The following HS3ST4 variants were observed in gnomAD, a reference collection of about 807,000 sequenced individuals.
HS3ST4 encodes the protein heparan sulfate-glucosamine 3-sulfotransferase 4.
In HS3ST4, 17 loss-of-function variants were observed where a neutral mutation model predicts 29.2. The observed-to-expected ratio is 0.58, with a 90% CI of 0.40 to 0.87. The LOEUF (loss-of-function observed/expected upper bound fraction) is 0.87, where lower values mean the gene tolerates loss of function less well. Ranked by LOEUF, HS3ST4 falls within the 40% of genes least tolerant of loss-of-function variation. The pLI is 0.00. For synonymous variants in HS3ST4, 314 were observed against 285.7 expected, an observed-to-expected ratio of 1.10 and a Z score of -1.00; for missense variants, 627 against 634.5, an observed-to-expected ratio of 0.99 and a Z score of 0.13.
intron 1 of HS3ST4, among the ~76,000 whole-genome samples, chr16:26,011,676 T>TTGTGTGTG (rs375796518): frequency 2.2e-5 from 3 of 133,370 alleles, no homozygotes; most frequent in South Asian, 5.0e-4. Context: ...AGGTATATGT[T>TTGTGTGTG]TGTGTGTGTG....
chr16:25,715,434 A>C (rs925525563), intron 1 of HS3ST4, among the ~76,000 whole-genome samples: 1 of 151,934 alleles, frequency 6.6e-6, no homozygotes, highest in Non-Finnish European at 1.5e-5. Flanking sequence ...TGGTGATTCC[A>C]TATGCAATTA....
At position 25,692,372 on chromosome 16, in the gene HS3ST4, C is replaced by T. The variant is rs1966257537; in HGVS notation, c.-46C>T. On this transcript the variant is annotated 5_prime_UTR_variant, in exon 1 of 2. Transcript: ENST00000331351. ...GGCTGAAACCATGTCCGGGCAGCGC[C>T]GGGGGCTGCCGCCGCCGCCGCCGCC... 3 of 369,262 alleles carry T rather than the reference C, an allele frequency of 8.1e-6. No homozygotes were observed. The highest frequency in any genetic ancestry group is 1.1e-4 in the South Asian group (1 of 8,772). 22.9% of individuals were successfully genotyped at this position (369,262 alleles called of 1,614,324 possible).
At chr16:26,043,950 C>G (rs1327304611) in intron 1 of HS3ST4, among the ~76,000 whole-genome samples, 1 of 152,196 alleles carries the variant, frequency 6.6e-6, no homozygotes, top group East Asian at 1.9e-4. Context: ...AACCTCTTAA[C>G]CAGTTTCACT....
chr16:25,798,121 A>T (rs555710838), intron 1 of HS3ST4, among the ~76,000 whole-genome samples: 1 of 151,556 alleles, frequency 6.6e-6, no homozygotes, highest in East Asian at 1.9e-4. Context: ...GGAGTAAAAA[A>T]CTCCCTCACT....
At chr16:25,883,569 G>T (rs1307797762) in intron 1 of HS3ST4, among the ~76,000 whole-genome samples, 2 of 152,156 alleles carry the variant, frequency 1.3e-5, no homozygotes, top group Non-Finnish European at 2.9e-5. Context: ...AGCTTTTGGA[G>T]AGGACTAGGT....
chr16:25,918,350 T>A (rs1390971493), intron 1 of HS3ST4, among the ~76,000 whole-genome samples: 1 of 152,168 alleles, frequency 6.6e-6, no homozygotes, highest in Non-Finnish European at 1.5e-5. Context: ...CAAGCAATAT[T>A]GATTGTATAA....
intron 1 of HS3ST4, among the ~76,000 whole-genome samples, chr16:25,989,472 T>A (rs1039267729): frequency 1.3e-5 from 2 of 152,252 alleles, no homozygotes; most frequent in Non-Finnish European, 2.9e-5. Flanking sequence ...TGGATTTCCA[T>A]GGCATGGTTG....
intron 1 of HS3ST4, among the ~76,000 whole-genome samples, chr16:25,950,543 A>G (rs761442288): frequency 2.6e-5 from 4 of 152,096 alleles, no homozygotes; most frequent in Non-Finnish European, 4.4e-5. Context: ...CTGCTTGTTT[A>G]ATGCCATACA....
At chr16:25,987,096 A>G in intron 1 of HS3ST4, among the ~76,000 whole-genome samples, 1 of 152,232 alleles carries the variant, frequency 6.6e-6, no homozygotes, top group East Asian at 1.9e-4. Context: ...CACGCCTGTA[A>G]TCCCAGCACT....
At chr16:26,133,248 C>T (rs1016187874) in intron 1 of HS3ST4, among the ~76,000 whole-genome samples, 1 of 152,126 alleles carries the variant, frequency 6.6e-6, no homozygotes, top group African/African-American at 2.4e-5. Context: ...AAGTGATTTA[C>T]CTGCATTATG....
chr16:25,751,887 GA>G lies in HS3ST4; in HGVS notation c.734+58739del, dbSNP rs573234988. Among the ~76,000 whole-genome samples, 5 of 152,328 alleles carry G rather than the reference GA, an allele frequency of 3.3e-5. No individual in the cohort carries two copies. The South Asian group carries it at 1.0e-3, about 32-fold the overall frequency. Reference sequence around the variant, plus strand: ...GGAGCAATCCCAGACCACAGTGGATGAAAGGAGGTCCCTACGTTGTTGTACA... The same window carrying G: ...GGAGCAATCCCAGACCACAGTGGATGAAGGAGGTCCCTACGTTGTTGTACA... On this transcript the variant is annotated intron_variant, in intron 1 of 1. Transcript: ENST00000331351.
At chr16:25,803,122 G>A (rs1343824505) in intron 1 of HS3ST4, among the ~76,000 whole-genome samples, 1 of 151,958 alleles carries the variant, frequency 6.6e-6, no homozygotes, top group African/African-American at 2.4e-5. Context: ...GAGAGAGAGA[G>A]TGCCTGTACA....
At chr16:25,963,526 C>T (rs554571930) in intron 1 of HS3ST4, among the ~76,000 whole-genome samples, 2 of 152,332 alleles carry the variant, frequency 1.3e-5, no homozygotes, top group South Asian at 2.1e-4. Flanking sequence ...ACTTCCTGTC[C>T]TGTTTTCACT....
intron 1 of HS3ST4, among the ~76,000 whole-genome samples, chr16:25,780,139 C>T (rs536997451): frequency 6.6e-6 from 1 of 152,306 alleles, no homozygotes; most frequent in South Asian, 2.1e-4. Context: ...GAGAGCAATT[C>T]CTGGGCTTGT....
At chr16:25,982,045 CACACAG>C (rs1969011124) in intron 1 of HS3ST4, among the ~76,000 whole-genome samples, 1 of 152,138 alleles carries the variant, frequency 6.6e-6, no homozygotes, top group African/African-American at 2.4e-5. Flanking sequence ...CACAGACACA[CACACAG>C]ACACACACAT....
At chr16:26,014,127 G>A (rs1389584735) in intron 1 of HS3ST4, among the ~76,000 whole-genome samples, 1 of 151,914 alleles carries the variant, frequency 6.6e-6, no homozygotes, top group Non-Finnish European at 1.5e-5. Flanking sequence ...TTTCCTTTGT[G>A]GCAATTCTCA....
intron 1 of HS3ST4, among the ~76,000 whole-genome samples, chr16:25,779,604 G>T (rs894078878): frequency 2.0e-5 from 3 of 152,212 alleles, no homozygotes; most frequent in African/African-American, 7.2e-5. Context: ...CCTTGTAGGA[G>T]AAAACATTTC....
chr16:25,837,712 CT>C (rs973567540), intron 1 of HS3ST4, among the ~76,000 whole-genome samples: 25 of 151,810 alleles, frequency 1.6e-4, no homozygotes, highest in African/African-American at 5.8e-4. Context: ...AGGTCTCACT[CT>C]TTAAAAAAAA....
intron 1 of HS3ST4, among the ~76,000 whole-genome samples, chr16:25,707,204 A>G (rs1966381376): frequency 6.6e-6 from 1 of 152,198 alleles, no homozygotes; most frequent in Admixed American, 6.5e-5. Context: ...GGTAATTCAG[A>G]TATGCCCAAA....
Sources: gnomAD v4.1 joint callset for allele counts (sites outside exome capture counted in the v4.1 genomes callset) on GRCh38, gnomAD v4.1.1 for gene constraint, MANE v1.5 for transcripts, NCBI Gene and HGNC (gene_info 2026-07-23, HGNC 2026-07-21) for gene names.